Variants in MVB12B observed in about 807,000 individuals in gnomAD.
The protein encoded by MVB12B is ESCRT-I complex subunit MVB12B.
In MVB12B, 16 loss-of-function variants were observed where a neutral mutation model predicts 41.6. The ratio of observed to expected loss-of-function variants is 0.38; its 90% CI spans 0.26 to 0.58. MVB12B has a LOEUF of 0.58. MVB12B is among the 20% of genes least tolerant of loss of function. MVB12B has a pLI of 0.62. For missense variants in MVB12B, 274 were observed against 380.2 expected, an observed-to-expected ratio of 0.72 and a Z score of 2.32; for synonymous variants, 133 against 139.7, an observed-to-expected ratio of 0.95 and a Z score of 0.34.
intron 6 of MVB12B, among the ~76,000 whole-genome samples, chr9:126,406,552 G>A (rs1221986547): frequency 1.3e-5 from 2 of 152,236 alleles, no homozygotes; most frequent in Non-Finnish European, 2.9e-5. Context: ...GGAAGAAGAT[G>A]AAAAGCTAGC....
At chr9:126,384,130 ACT>A (rs1459725910) in intron 3 of MVB12B, among the ~76,000 whole-genome samples, 2 of 151,956 alleles carry the variant, frequency 1.3e-5, no homozygotes, top group African/African-American at 2.4e-5. Context: ...AGACCAGGCG[ACT>A]CTGAAAGCAG....
At chr9:126,411,672 A>C (rs1831655474) in intron 6 of MVB12B, among the ~76,000 whole-genome samples, 1 of 152,270 alleles carries the variant, frequency 6.6e-6, no homozygotes, top group Non-Finnish European at 1.5e-5. Flanking sequence ...TCAGACCGTG[A>C]CAAATGATAG....
In MVB12B at chr9:126,421,364, T is replaced by C. The variant is rs182253885; in HGVS notation, c.663-490T>C. 2.1e-4 allele frequency among the ~76,000 whole-genome samples: 32 copies of C among 152,360 alleles called. No individual in the cohort carries two copies. In the South Asian group the frequency reaches 5.4e-3, roughly 26 times the overall value. The stretch of plus-strand genomic sequence containing the variant: ...AGAGGTCATTAGTCTCCTGAACTCA[T>C]ATGGCAATAATAATTCCCAACACCT... On this transcript the variant is annotated intron_variant, in intron 6 of 9. Transcript: ENST00000361171.
intron 9 of MVB12B, among the ~76,000 whole-genome samples, chr9:126,488,344 CAA>C (rs60489071): frequency 0.22 from 29,560 of 131,542 alleles, 3,300 homozygotes; most frequent in Non-Finnish European, 0.27. Flanking sequence ...ACCATTAAAC[CAA>C]AAAAAAAAAA....
rs539326011 is a variant in MVB12B, at chr9:126,468,769, C to T, written c.758-12600C>T. ...TAAATCTCCCCATCTCTCTCTCCAGCTCAAAGACCCTTTGGTGGCTCCCCA... is the reference window on the plus strand; with the variant it reads ...TAAATCTCCCCATCTCTCTCTCCAGTTCAAAGACCCTTTGGTGGCTCCCCA... On this transcript the variant is annotated intron_variant, in intron 7 of 9. Transcript: ENST00000361171. The surrounding 1 kb of genome is among the most constrained non-coding windows in gnomAD (Gnocchi z 4.3). Among the ~76,000 whole-genome samples, 1 of 152,360 alleles carries T rather than the reference C, an allele frequency of 6.6e-6. No individual in the cohort carries two copies. The highest frequency in any genetic ancestry group is 6.5e-5 in the Admixed American group (1 of 15,314).
chr9:126,479,739 C>T (rs1012772803), intron 7 of MVB12B, among the ~76,000 whole-genome samples: 1 of 152,200 alleles, frequency 6.6e-6, no homozygotes, highest in African/African-American at 2.4e-5. Context: ...GAGAGGAGGG[C>T]GCGGGGAATG....
intron 3 of MVB12B, among the ~76,000 whole-genome samples, chr9:126,385,616 G>A (rs746838127): frequency 7.9e-5 from 12 of 152,186 alleles, no homozygotes; most frequent in South Asian, 6.2e-4. Context: ...ACTGGGCTTC[G>A]GGGATGAGGC....
intron 6 of MVB12B, among the ~76,000 whole-genome samples, chr9:126,401,807 T>G (rs1322720468): frequency 2.0e-5 from 3 of 152,228 alleles, no homozygotes; most frequent in Non-Finnish European, 4.4e-5. Context: ...TACTTTCTGA[T>G]TAACTCGCAG....
intron 9 of MVB12B, among the ~76,000 whole-genome samples, chr9:126,496,210 C>T (rs536048874): frequency 8.3e-5 from 12 of 144,620 alleles, no homozygotes; most frequent in African/African-American, 2.6e-4. Context: ...CCTACCCACC[C>T]GTCCATCCAC....
At chr9:126,394,734 A>T (rs749263478) in intron 5 of MVB12B, among the ~76,000 whole-genome samples, 1 of 152,170 alleles carries the variant, frequency 6.6e-6, no homozygotes, top group South Asian at 2.1e-4. Flanking sequence ...GTGGTTTTAC[A>T]TGGTTCCTGG....
At chr9:126,417,147 T>TA (rs1236915330) in intron 6 of MVB12B, among the ~76,000 whole-genome samples, 1 of 152,180 alleles carries the variant, frequency 6.6e-6, no homozygotes, top group Non-Finnish European at 1.5e-5. Context: ...CCCTTCTCCC[T>TA]AAAGCTTTCT....
intron 9 of MVB12B, among the ~76,000 whole-genome samples, chr9:126,499,037 G>A (rs1833894975): frequency 6.6e-6 from 1 of 152,226 alleles, no homozygotes; most frequent in Non-Finnish European, 1.5e-5. Flanking sequence ...CAAGGCACTT[G>A]CACACGAATC....
At chr9:126,415,143 A>G (rs1262789014) in intron 6 of MVB12B, among the ~76,000 whole-genome samples, 6 of 152,084 alleles carry the variant, frequency 3.9e-5, no homozygotes, top group African/African-American at 1.4e-4. Context: ...GCAGCTCCTG[A>G]TCTCTTGCTT....
At chr9:126,461,897 C>G (rs1238751265) in intron 7 of MVB12B, among the ~76,000 whole-genome samples, 1 of 152,234 alleles carries the variant, frequency 6.6e-6, no homozygotes, top group Non-Finnish European at 1.5e-5. Flanking sequence ...AGCCATTCAT[C>G]TCCACCCAGC....
In MVB12B at chr9:126,335,348, G is replaced by T. The variant is rs780390752; in HGVS notation, c.82-5160G>T. On this transcript the variant is annotated intron_variant, in intron 1 of 9. Transcript: ENST00000361171. ...TCCCCCACGGGTGGCCCCAAAGCCAGCTGCCCATTTAACTGGGCACAGCAT... is the reference window on the plus strand; with the variant it reads ...TCCCCCACGGGTGGCCCCAAAGCCATCTGCCCATTTAACTGGGCACAGCAT... The T allele has an allele frequency of 3.8e-6, 5 of 1,304,290 alleles. No homozygotes were observed. In the South Asian group the frequency reaches 6.2e-5, roughly 16 times the overall value. The allele number at this position is 1,304,290 out of a possible 1,614,324, so 80.8% of individuals were successfully genotyped here.
In MVB12B at chr9:126,504,162, C is replaced by T. The variant is rs1040986996; in HGVS notation, c.*899C>T. 1.3e-5 allele frequency: 2 copies of T among 152,306 alleles called. No homozygotes were observed. Among genetic ancestry groups the T allele is most frequent in the African/African-American group, 2.4e-5 (1 of 41,464 alleles). 9.4% of individuals were successfully genotyped at this position (152,306 alleles called of 1,614,324 possible). A position where few individuals can be genotyped will look rare whatever the true frequency, so the allele number is the denominator to read the frequency against. ...CAGCCCCTCTCAGAGCCAGGCGTGT[C>T]TTGACGGTATCTGCTGACGGGAACA... is the stretch of plus-strand genomic sequence containing the variant. On this transcript the variant is annotated 3_prime_UTR_variant, in exon 10 of 10. Coordinates refer to ENST00000361171, the MANE Select transcript of MVB12B (RefSeq NM_033446.3).
intron 2 of MVB12B, among the ~76,000 whole-genome samples, chr9:126,377,135 C>G (rs937150375): frequency 5.9e-5 from 9 of 152,146 alleles, no homozygotes; most frequent in Non-Finnish European, 1.3e-4. Context: ...TAGAAGAATC[C>G]TGGCAGGAAG....
chr9:126,357,135 G>T (rs1829903272), intron 2 of MVB12B, among the ~76,000 whole-genome samples: 1 of 152,106 alleles, frequency 6.6e-6, no homozygotes, highest in African/African-American at 2.4e-5. Flanking sequence ...TCTTTATTTT[G>T]TCTGGCTTTT....
intron 6 of MVB12B, chr9:126,396,981 A>T: frequency 1.0e-6 from 1 of 985,558 alleles, no homozygotes; most frequent in Non-Finnish European, 1.2e-6. Flanking sequence ...GCTGAGGGTC[A>T]CTGTCTCCTG....
Sources: allele counts gnomAD v4.1 joint callset (sites outside exome capture counted in the v4.1 genomes callset), GRCh38; gene constraint gnomAD v4.1.1; non-coding constraint Gnocchi (gnomAD v3.1); transcripts MANE v1.5; gene names NCBI Gene and HGNC (gene_info 2026-07-23, HGNC 2026-07-21).